The following SLC9C2 variants were observed in gnomAD, a reference collection of about 807,000 sequenced individuals.
The protein encoded by SLC9C2 is sodium/hydrogen exchanger 11.
SLC9C2 carries 75 observed loss-of-function variants against 140.2 expected under a neutral mutation model. That is an observed-to-expected ratio of 0.53 (90% CI 0.44 to 0.65). The LOEUF (loss-of-function observed/expected upper bound fraction) is 0.65. Ranked by LOEUF, SLC9C2 falls within the 30% of genes least tolerant of loss-of-function variation. The pLI is 0.00. For missense variants in SLC9C2, 1,074 were observed against 1,331.8 expected (o/e 0.81, Z 3.01); for synonymous variants, 375 against 420.9 (o/e 0.89, Z 1.34).
intron 4 of SLC9C2, among the ~76,000 whole-genome samples, chr1:173,595,723 TAAATAAAATGATG>T (rs1666414460): frequency 6.6e-6 from 1 of 152,186 alleles, no homozygotes; most frequent in African/African-American, 2.4e-5. Context: ...AAAAAGCATG[TAAATAAAATGATG>T]AAATAATATG....
rs565930233 is a variant in SLC9C2, at chr1:173,510,742, G to A, written c.2908-1043C>T. On this transcript the variant is annotated intron_variant, in intron 23 of 27. Coordinates refer to ENST00000367714, the MANE Select transcript of SLC9C2 (RefSeq NM_178527.4). ...TCTTTATCCAGTCTATCATTGATGG[G>A]CATTTAAGTTGGTTCCATGTCTTTG... is the stretch of plus-strand genomic sequence containing the variant. Among the ~76,000 whole-genome samples the A allele has an allele frequency of 5.5e-4, 84 of 152,216 alleles. 1 individual carries two copies. The highest frequency in any genetic ancestry group is 1.2e-3 in the Admixed American group (19 of 15,288).
At chr1:173,573,158 C>T in intron 9 of SLC9C2, 24 bp downstream of exon 9, 1 of 1,481,474 alleles carries the variant, frequency 6.8e-7, no homozygotes, top group South Asian at 1.3e-5. Context: ...GTTTAGTAAA[C>T]AAACTTTAAA....
intron 27 of SLC9C2, among the ~76,000 whole-genome samples, chr1:173,502,869 C>T (rs1024375773): frequency 6.6e-6 from 1 of 152,156 alleles, no homozygotes; most frequent in Non-Finnish European, 1.5e-5. Flanking sequence ...TGTGATCAGC[C>T]TGTGACTCCA....
chr1:173,600,337 T>A (rs1019588943), intron 2 of SLC9C2, 120 bp from the exon 3 acceptor site: 3 of 428,580 alleles, frequency 7.0e-6, no homozygotes, highest in Non-Finnish European at 8.1e-6. Context: ...TAATATTTAA[T>A]GATGTGGCTT....
At chr1:173,546,181 A>C in intron 13 of SLC9C2, among the ~76,000 whole-genome samples, 1 of 152,206 alleles carries the variant, frequency 6.6e-6, no homozygotes, top group Non-Finnish European at 1.5e-5. Context: ...AACTCTGAGA[A>C]TATGTTAAAC....
rs1457424357 is a variant in SLC9C2, at chr1:173,505,335, G to A, written c.3226-4C>T. ...TTAAATCAGAAGTTCCCTGAACCTA[G>A]AGGAGAAAAGTCAAAATTAGTCAAA... On this transcript the variant is annotated splice_polypyrimidine_tract_variant and splice_region_variant and intron_variant, in intron 25 of 27. Transcript: ENST00000367714. 1 of 1,612,518 alleles carries A rather than the reference G, an allele frequency of 6.2e-7. No homozygotes were observed. Among genetic ancestry groups the A allele is most frequent in the East Asian group, 2.2e-5 (1 of 44,852 alleles).
At chr1:173,575,146 TA>T (rs1433056958) in intron 8 of SLC9C2, among the ~76,000 whole-genome samples, 1 of 152,030 alleles carries the variant, frequency 6.6e-6, no homozygotes, top group Admixed American at 6.6e-5. Flanking sequence ...CAATTCTCTC[TA>T]CAGGACCTAA....
At chr1:173,567,452 G>A (rs1664546379) in intron 9 of SLC9C2, among the ~76,000 whole-genome samples, 1 of 151,966 alleles carries the variant, frequency 6.6e-6, no homozygotes, top group Non-Finnish European at 1.5e-5. Flanking sequence ...GTCTTGAAAT[G>A]TATTTTGTCT....
At chr1:173,504,100 G>A (rs1380617125) in intron 26 of SLC9C2, among the ~76,000 whole-genome samples, 2 of 152,162 alleles carry the variant, frequency 1.3e-5, no homozygotes, top group African/African-American at 4.8e-5. Context: ...TTTGAAAGCA[G>A]CAGAGCGGCA....
chr1:173,523,308 G>A (rs1447190330), intron 21 of SLC9C2, among the ~76,000 whole-genome samples: 1 of 151,634 alleles, frequency 6.6e-6, no homozygotes, highest in Admixed American at 6.6e-5. Flanking sequence ...GGAGGCGGAG[G>A]TTGCAGTGAG....
intron 4 of SLC9C2, 37 bp from the exon 5 acceptor site, chr1:173,587,867 A>G: frequency 1.3e-6 from 2 of 1,506,356 alleles, no homozygotes; most frequent in Non-Finnish European, 1.8e-6. Flanking sequence ...TAGACTTAAC[A>G]TCTAAAGATG....
intron 4 of SLC9C2, among the ~76,000 whole-genome samples, chr1:173,596,048 G>A (rs1306078532): frequency 6.6e-6 from 1 of 152,074 alleles, no homozygotes; most frequent in African/African-American, 2.4e-5. Context: ...GTACCCCTTG[G>A]AGGCTGGCTT....
intron 13 of SLC9C2, among the ~76,000 whole-genome samples, chr1:173,542,326 G>T (rs557321703): frequency 7.1e-6 from 1 of 141,564 alleles, no homozygotes; most frequent in African/African-American, 2.5e-5. Flanking sequence ...TTGAATGGCT[G>T]AATAGACCAA....
intron 27 of SLC9C2, among the ~76,000 whole-genome samples, chr1:173,503,003 A>T (rs549839607): frequency 3.9e-5 from 6 of 152,318 alleles, no homozygotes; most frequent in Admixed American, 3.9e-4. Context: ...CAAATTCCAT[A>T]GATCCCTACT....
At chr1:173,550,432 A>ATTTTTT (rs1294841800) in intron 11 of SLC9C2, among the ~76,000 whole-genome samples, 13 of 121,700 alleles carry the variant, frequency 1.1e-4, no homozygotes, top group African/African-American at 4.8e-4. Context: ...TTATTTATTT[A>ATTTTTT]TTTATTTATT....
At chr1:173,594,978 C>A (rs1434102123) in intron 4 of SLC9C2, among the ~76,000 whole-genome samples, 1 of 152,190 alleles carries the variant, frequency 6.6e-6, no homozygotes, top group Non-Finnish European at 1.5e-5. Flanking sequence ...TTGCTCACTG[C>A]AACCTCTGTC....
chr1:173,560,849 T>G (rs1664058784), intron 9 of SLC9C2, among the ~76,000 whole-genome samples: 1 of 152,112 alleles, frequency 6.6e-6, no homozygotes, highest in South Asian at 2.1e-4. Flanking sequence ...CAGGCTGGAG[T>G]GCAGTGGAGT....
Position 173,521,405 on chromosome 1 carries a change from T to TG in SLC9C2, c.2641-7dup. Reference sequence around the variant, plus strand: ...CAGGCAAGTTTGGCTCTTTCCTGAGTGGGAAAAAAAAAAACGAAAAGAAAA... The same window carrying TG: ...CAGGCAAGTTTGGCTCTTTCCTGAGTGGGGAAAAAAAAAAACGAAAAGAAAA... On this transcript the variant is annotated splice_polypyrimidine_tract_variant and splice_region_variant and intron_variant, in intron 21 of 27. Transcript: ENST00000367714. 2 of 1,437,662 alleles carry TG rather than the reference T, an allele frequency of 1.4e-6. No individual in the cohort carries two copies. Among genetic ancestry groups the TG allele is most frequent in the Non-Finnish European group, 1.8e-6 (2 of 1,093,806 alleles). 89.1% of individuals were successfully genotyped at this position (1,437,662 alleles called of 1,614,324 possible).
intron 5 of SLC9C2, among the ~76,000 whole-genome samples, chr1:173,585,505 C>T (rs1257320051): frequency 6.6e-6 from 1 of 152,058 alleles, no homozygotes; most frequent in East Asian, 1.9e-4. Context: ...AGCCAACACC[C>T]AAAACAAGTG....
Sources: allele counts gnomAD v4.1 joint callset (sites outside exome capture counted in the v4.1 genomes callset), GRCh38; gene constraint gnomAD v4.1.1; transcripts MANE v1.5; gene names NCBI Gene and HGNC (gene_info 2026-07-23, HGNC 2026-07-21).